CENPP: variants seen among roughly 807,000 people sequenced by gnomAD.
CENPP encodes centromere protein P.
CENPP carries 24 observed loss-of-function variants against 35.6 expected under a neutral mutation model. The ratio of observed to expected loss-of-function variants is 0.67; its 90% CI spans 0.49 to 0.95. The LOEUF (loss-of-function observed/expected upper bound fraction) is 0.95. Ranked by LOEUF, CENPP falls within the 40% of genes least tolerant of loss-of-function variation. The pLI, the probability that CENPP is intolerant of heterozygous loss-of-function variation, is 0.00. For missense variants in CENPP, 332 were observed against 345.3 expected, an observed-to-expected ratio of 0.96 and a Z score of 0.31; for synonymous variants, 120 against 125.5, an observed-to-expected ratio of 0.96 and a Z score of 0.29.
chr9:92,532,024 T>TA (rs1254875626), intron 5 of CENPP, among the ~76,000 whole-genome samples: 1 of 129,024 alleles, frequency 7.8e-6, no homozygotes, highest in East Asian at 2.0e-4. Context: ...TGTTTTTTTT[T>TA]TTTTATTTTA....
intron 5 of CENPP, among the ~76,000 whole-genome samples, chr9:92,472,168 C>T (rs992704609): frequency 6.6e-6 from 1 of 151,252 alleles, no homozygotes; most frequent in Non-Finnish European, 1.5e-5. Context: ...GCCTGGCCAA[C>T]ATGGTGAAAG....
chr9:92,460,450 AG>A, intron 5 of CENPP: 1 of 1,422,300 alleles, frequency 7.0e-7, no homozygotes, highest in Non-Finnish European at 9.9e-7. Flanking sequence ...TATCATTCTA[AG>A]TTAAAATTTT....
chr9:92,326,067 G>A lies in CENPP; in HGVS notation c.69G>A (p.Glu23=), dbSNP rs1213535939. 1.3e-6 allele frequency: 2 copies of A among 1,562,326 alleles called. No individual in the cohort carries two copies. Among genetic ancestry groups the A allele is most frequent in the Non-Finnish European group, 1.7e-6 (2 of 1,153,796 alleles). ...TCGCGGCCCTGCGGCGAGCGTGTGAGGACCCACCGGCGCCCTGGGAAGAGA... is the reference window on the plus strand; with the variant it reads ...TCGCGGCCCTGCGGCGAGCGTGTGAAGACCCACCGGCGCCCTGGGAAGAGA... ...AEIAALRRAC[E]DPPAPWEEKS... is the part of the protein sequence containing the mutation. The change falls in exon 1 of 8, where the codon GAG becomes GAA. Residue 23 remains glutamate, a synonymous_variant. Transcript: ENST00000375587.
At chr9:92,364,701 T>C (rs189685401) in intron 4 of CENPP, among the ~76,000 whole-genome samples, 1 of 152,268 alleles carries the variant, frequency 6.6e-6, no homozygotes, top group South Asian at 2.1e-4. Flanking sequence ...TACTTTGCAT[T>C]GTATTAGTCT....
rs370773585 is a variant in CENPP at position 92,417,000 on chromosome 9, T to C, written c.564+37141T>C. ...TAACAGAGATCAAGCATGGTCAAGT[T>C]TACTAGCCCATCCATAGCATTTGTC... On this transcript the variant is annotated intron_variant, in intron 5 of 7. Transcript: ENST00000375587. 10 of 1,613,958 alleles carry C rather than the reference T, an allele frequency of 6.2e-6. No individual in the cohort carries two copies. In the African/African-American group the frequency reaches 1.3e-4, roughly 22 times the overall value.
At chr9:92,359,238 C>T (rs999610717) in intron 4 of CENPP, among the ~76,000 whole-genome samples, 9 of 151,974 alleles carry the variant, frequency 5.9e-5, no homozygotes, top group East Asian at 1.9e-4. Flanking sequence ...CATGAGCCAC[C>T]GTGCCCAGCC....
chr9:92,346,408 T>G (rs1179075361), intron 4 of CENPP, among the ~76,000 whole-genome samples: 2 of 152,164 alleles, frequency 1.3e-5, no homozygotes, highest in Non-Finnish European at 2.9e-5. Context: ...TGCTGAGCAC[T>G]GTGCCAGCAG....
At chr9:92,602,797 T>A (rs1850958759) in intron 5 of CENPP, among the ~76,000 whole-genome samples, 1 of 152,146 alleles carries the variant, frequency 6.6e-6, no homozygotes, top group African/African-American at 2.4e-5. Context: ...TCTCCTCGTA[T>A]ACTGTTTCTG....
intron 3 of CENPP, among the ~76,000 whole-genome samples, chr9:92,345,491 CAAAA>C (rs34508753): frequency 1.3e-5 from 1 of 75,996 alleles, no homozygotes. Context: ...ACTCCGTCTC[CAAAA>C]AAAAAAAAAA....
chr9:92,332,807 A>G (rs1840795385), intron 2 of CENPP, among the ~76,000 whole-genome samples: 1 of 151,722 alleles, frequency 6.6e-6, no homozygotes. Context: ...GACTCCATTT[A>G]AAACAAAAAA....
rs117237885 is a variant in CENPP at position 92,446,145 on chromosome 9, T to C, written c.564+66286T>C. On this transcript the variant is annotated intron_variant, in intron 5 of 7. Transcript: ENST00000375587. ...GGACTTTATACAAATGATTGTGCCT[T>C]GACTGTAAAGCCAAGGAATGGCATG... Among the ~76,000 whole-genome samples the C allele has an allele frequency of 4.8e-3, 735 of 152,336 alleles. 5 individuals carry two copies. The highest frequency in any genetic ancestry group is 7.5e-3 in the Non-Finnish European group (513 of 68,030).
intron 5 of CENPP, among the ~76,000 whole-genome samples, chr9:92,458,350 A>G (rs1844962481): frequency 6.6e-6 from 1 of 152,146 alleles, no homozygotes; most frequent in African/African-American, 2.4e-5. Flanking sequence ...TTGCTGGCCA[A>G]CGTGGGATAT....
At chr9:92,481,375 G>C (rs1485059651) in intron 5 of CENPP, among the ~76,000 whole-genome samples, 3 of 152,022 alleles carry the variant, frequency 2.0e-5, no homozygotes, top group Non-Finnish European at 4.4e-5. Flanking sequence ...TCTTTTAACA[G>C]CTTGATTCTT....
intron 4 of CENPP, among the ~76,000 whole-genome samples, chr9:92,367,824 GAC>G (rs1841923196): frequency 1.3e-5 from 2 of 152,092 alleles, no homozygotes; most frequent in South Asian, 4.2e-4. Context: ...CACCACATTG[GAC>G]AGTCTGTTCA....
Position 92,345,692 on chromosome 9 carries a change from A to G in CENPP, c.379-7A>G, listed in dbSNP as rs756890958. ...CTTTGATACAGAAATTTTTATCTTT[A>G]TTTTAGAATAAGGAGAGATTATCTT... On this transcript the variant is annotated splice_polypyrimidine_tract_variant and splice_region_variant and intron_variant, in intron 3 of 7. Coordinates refer to ENST00000375587, the MANE Select transcript of CENPP (RefSeq NM_001012267.3). The G allele has an allele frequency of 8.6e-6, 13 of 1,502,932 alleles. No individual in the cohort carries two copies. The South Asian group carries it at 1.4e-4, about 17-fold the overall frequency. 93.1% of individuals were successfully genotyped at this position (1,502,932 alleles called of 1,614,324 possible).
At position 92,349,402 on chromosome 9, in the gene CENPP, T is replaced by A. The variant is rs1008549302; in HGVS notation, c.467+3615T>A. On this transcript the variant is annotated intron_variant, in intron 4 of 7. Coordinates refer to ENST00000375587, the MANE Select transcript of CENPP (RefSeq NM_001012267.3). ...GAATATAGCATATTATATATACTTTTTTTTTTATTTTTTTTTTTTTGAGAC... is the reference window on the plus strand; with the variant it reads ...GAATATAGCATATTATATATACTTTATTTTTTATTTTTTTTTTTTTGAGAC... 2.0e-4 allele frequency among the ~76,000 whole-genome samples: 31 copies of A among 151,610 alleles called. 1 individual carries two copies. Among genetic ancestry groups the A allele is most frequent in the Admixed American group, 4.6e-4 (7 of 15,238 alleles).
chr9:92,553,260 A>T (rs1849652132), intron 5 of CENPP, among the ~76,000 whole-genome samples: 1 of 152,128 alleles, frequency 6.6e-6, no homozygotes, highest in African/African-American at 2.4e-5. Context: ...ATTCTGTTCC[A>T]TTGGTCTATA....
At chr9:92,369,378 A>T (rs1306535259) in intron 4 of CENPP, among the ~76,000 whole-genome samples, 1 of 152,174 alleles carries the variant, frequency 6.6e-6, no homozygotes, top group Non-Finnish European at 1.5e-5. Flanking sequence ...ACTCTCTTGT[A>T]TCTGGCCCTG....
intron 1 of CENPP, among the ~76,000 whole-genome samples, chr9:92,326,612 G>C (rs894628071): frequency 6.6e-6 from 1 of 152,226 alleles, no homozygotes; most frequent in Non-Finnish European, 1.5e-5. Flanking sequence ...AGGTGCTACT[G>C]TTAGCCCTGT....
Sources: allele counts gnomAD v4.1 joint callset (sites outside exome capture counted in the v4.1 genomes callset), GRCh38; gene constraint gnomAD v4.1.1; transcripts MANE v1.5; gene names NCBI Gene and HGNC (gene_info 2026-07-23, HGNC 2026-07-21).